Variants in RSRC1 observed in about 807,000 individuals in gnomAD.
RSRC1 encodes the protein serine/Arginine-related protein 53.
A neutral mutation model predicts 49.1 loss-of-function variants in RSRC1; 39 were observed. The ratio of observed to expected loss-of-function variants is 0.79; its 90% CI spans 0.61 to 1.04. RSRC1 has a LOEUF of 1.04. RSRC1 is among the 50% of genes least tolerant of loss of function. The probability of loss-of-function intolerance (pLI) is 0.00; values close to 1 mark genes in which losing one functional copy is unlikely to be tolerated. For missense variants in RSRC1, 388 were observed against 402.4 expected (o/e 0.96, Z 0.31); for synonymous variants, 143 against 130.8 (o/e 1.09, Z -0.63).
intron 4 of RSRC1, among the ~76,000 whole-genome samples, chr3:158,271,985 T>C (rs994488076): frequency 6.6e-6 from 1 of 152,216 alleles, no homozygotes; most frequent in Non-Finnish European, 1.5e-5. Flanking sequence ...TAATGTGCAT[T>C]GATAATTTAA....
At chr3:158,497,584 G>A (rs543362287) in intron 7 of RSRC1, among the ~76,000 whole-genome samples, 70 of 151,846 alleles carry the variant, frequency 4.6e-4, no homozygotes, top group African/African-American at 1.6e-3. Context: ...CTACAGGCGC[G>A]TGCCACCATG....
chr3:158,515,784 G>T (rs1037410741), intron 7 of RSRC1, among the ~76,000 whole-genome samples: 1 of 151,812 alleles, frequency 6.6e-6, no homozygotes, highest in African/African-American at 2.4e-5. Context: ...ATTTCTTGGA[G>T]GCTTTGCTCG....
intron 6 of RSRC1, among the ~76,000 whole-genome samples, chr3:158,441,673 A>C (rs1285085145): frequency 6.6e-6 from 1 of 152,172 alleles, no homozygotes; most frequent in Non-Finnish European, 1.5e-5. Context: ...TAAAAATGCA[A>C]AATCTCAGAA....
chr3:158,425,463 G>A (rs1334421162), intron 6 of RSRC1, among the ~76,000 whole-genome samples: 1 of 151,968 alleles, frequency 6.6e-6, no homozygotes, highest in Admixed American at 6.6e-5. Context: ...TATAATTTCT[G>A]TTCTTTTACA....
chr3:158,155,598 C>CTTTTTTTTTTT (rs34972266), intron 3 of RSRC1, among the ~76,000 whole-genome samples: 3 of 133,958 alleles, frequency 2.2e-5, no homozygotes, highest in African/African-American at 2.8e-5. Context: ...AGCCTAGCTA[C>CTTTTTTTTTTT]TTTTTTTTTT....
intron 3 of RSRC1, among the ~76,000 whole-genome samples, chr3:158,173,216 A>C (rs970695443): frequency 5.9e-5 from 9 of 151,998 alleles, no homozygotes; most frequent in Non-Finnish European, 1.3e-4. Context: ...AGACTGGATT[A>C]TTTATATATT....
chr3:158,124,038 A>G (rs746812909), intron 3 of RSRC1, 47 bp downstream of exon 3: 2 of 1,325,418 alleles, frequency 1.5e-6, no homozygotes, highest in Non-Finnish European at 1.0e-6. Context: ...TTATTCCCAA[A>G]TTCAGCGATG....
intron 6 of RSRC1, among the ~76,000 whole-genome samples, chr3:158,379,390 C>T (rs1015198902): frequency 5.3e-5 from 8 of 151,494 alleles, no homozygotes; most frequent in Admixed American, 2.0e-4. Context: ...TTAGTAGAGA[C>T]GGGGTTTCAC....
At chr3:158,180,308 C>T (rs1719501452) in intron 3 of RSRC1, among the ~76,000 whole-genome samples, 1 of 137,058 alleles carries the variant, frequency 7.3e-6, no homozygotes, top group Non-Finnish European at 1.6e-5. Context: ...CTTTCTAGAA[C>T]TTTTATGGTT....
chr3:158,321,321 T>G (rs1042161410), intron 5 of RSRC1, among the ~76,000 whole-genome samples: 1 of 151,974 alleles, frequency 6.6e-6, no homozygotes, highest in Non-Finnish European at 1.5e-5. Context: ...CTTCCTCTTC[T>G]TCTTCTTTGC....
intron 4 of RSRC1, among the ~76,000 whole-genome samples, chr3:158,245,165 A>G (rs1723822811): frequency 7.2e-6 from 1 of 138,440 alleles, no homozygotes. Flanking sequence ...ATTTAGTGCT[A>G]TAAATTTCCC....
intron 5 of RSRC1, among the ~76,000 whole-genome samples, chr3:158,343,279 C>A (rs1360917141): frequency 1.3e-5 from 2 of 152,126 alleles, no homozygotes; most frequent in African/African-American, 4.8e-5. Context: ...CCTAACAAAG[C>A]AGGATGCGAA....
chr3:158,168,630 G>T (rs976087581), intron 3 of RSRC1, among the ~76,000 whole-genome samples: 1 of 151,928 alleles, frequency 6.6e-6, no homozygotes, highest in South Asian at 2.1e-4. Context: ...AGTTGAGAAG[G>T]GTTTATTTTG....
At chr3:158,443,893 G>T (rs886271705) in intron 6 of RSRC1, among the ~76,000 whole-genome samples, 3 of 152,088 alleles carry the variant, frequency 2.0e-5, no homozygotes, top group African/African-American at 7.2e-5. Flanking sequence ...CAGTATTGTT[G>T]TGTCTCAGGG....
intron 3 of RSRC1, among the ~76,000 whole-genome samples, chr3:158,140,160 G>T (rs1413058512): frequency 1.3e-5 from 2 of 152,102 alleles, no homozygotes; most frequent in African/African-American, 4.8e-5. Flanking sequence ...TGTTATTTGT[G>T]AAATAATTTG....
At chr3:158,505,674 A>G (rs576403922) in intron 7 of RSRC1, among the ~76,000 whole-genome samples, 3 of 152,192 alleles carry the variant, frequency 2.0e-5, no homozygotes, top group South Asian at 2.1e-4. Context: ...TTTGCATGCT[A>G]TAGAAGTTCA....
chr3:158,267,815 A>G (rs114441803), intron 4 of RSRC1, among the ~76,000 whole-genome samples: 1,403 of 134,226 alleles, frequency 0.01, 18 homozygotes, highest in African/African-American at 0.037. Flanking sequence ...TGGTTCACTA[A>G]TAGTTTTGAT....
chr3:158,268,022 T>G (rs1264276913), intron 4 of RSRC1, among the ~76,000 whole-genome samples: 2 of 152,186 alleles, frequency 1.3e-5, no homozygotes, highest in African/African-American at 4.8e-5. Flanking sequence ...TCTGTACTGT[T>G]AGGACTTCCC....
intron 3 of RSRC1, among the ~76,000 whole-genome samples, chr3:158,155,429 A>C (rs867813221): frequency 6.6e-6 from 1 of 151,796 alleles, no homozygotes. Context: ...TCAGTGAACT[A>C]TATTTTATTT....
Sources: allele counts gnomAD v4.1 joint callset (sites outside exome capture counted in the v4.1 genomes callset), GRCh38; gene constraint gnomAD v4.1.1; transcripts MANE v1.5; gene names NCBI Gene and HGNC (gene_info 2026-07-23, HGNC 2026-07-21).